EEIG2: variants seen among roughly 807,000 people sequenced by gnomAD.
EEIG2 encodes the protein family with sequence similarity 102 member B.
At chr1:108,593,258 A>ATC in the EEIG2 span, among the ~76,000 whole-genome samples, 2 of 152,252 alleles carry the variant, frequency 1.3e-5, no homozygotes, top group African/African-American at 4.8e-5. Context: ...GCTCTGCACC[A>ATC]TCATCACATG....
the EEIG2 span, among the ~76,000 whole-genome samples, chr1:108,567,845 A>T: frequency 5.9e-5 from 9 of 152,134 alleles, no homozygotes; most frequent in Admixed American, 2.0e-4. Context: ...AGAAAATTTA[A>T]AAATTAGCTG....
chr1:108,579,768 T>TGAGA, the EEIG2 span, among the ~76,000 whole-genome samples: 7 of 14,360 alleles, frequency 4.9e-4, no homozygotes, highest in East Asian at 2.3e-3. Context: ...TGTGTGTGTG[T>TGAGA]GTGTGAGAGA....
At chr1:108,580,953 T>C in the EEIG2 span, among the ~76,000 whole-genome samples, 375 of 152,272 alleles carry the variant, frequency 2.5e-3, no homozygotes, top group African/African-American at 7.9e-3. Flanking sequence ...TCTAAGACTT[T>C]TGTAGCTAGA....
the EEIG2 span, chr1:108,600,466 C>T: frequency 7.5e-7 from 1 of 1,339,282 alleles, no homozygotes; most frequent in South Asian, 1.5e-5. Flanking sequence ...GCTTTTAACA[C>T]ATTACTTTTG....
the EEIG2 span, among the ~76,000 whole-genome samples, chr1:108,581,268 T>G: frequency 6.6e-6 from 1 of 152,182 alleles, no homozygotes; most frequent in Non-Finnish European, 1.5e-5. Context: ...ATACACCTAG[T>G]CCCCAAGAGC....
chr1:108,635,465 C>A, the EEIG2 span: 2 of 232,092 alleles, frequency 8.6e-6, no homozygotes, highest in Non-Finnish European at 1.7e-5. Context: ...TTATATACAT[C>A]GGAGTATCAT....
At chr1:108,571,856 C>G in the EEIG2 span, among the ~76,000 whole-genome samples, 242 of 152,294 alleles carry the variant, frequency 1.6e-3, 1 homozygote, top group African/African-American at 5.0e-3. Context: ...AGTCTTTTAA[C>G]TATTATTTCA....
At chr1:108,598,947 C>T in the EEIG2 span, among the ~76,000 whole-genome samples, 124 of 152,136 alleles carry the variant, frequency 8.2e-4, 2 homozygotes, top group East Asian at 0.017. Context: ...AGGAGTATCA[C>T]TTGAGCCCAG....
At chr1:108,591,118 T>C in the EEIG2 span, among the ~76,000 whole-genome samples, 1 of 152,346 alleles carries the variant, frequency 6.6e-6, no homozygotes, top group African/African-American at 2.4e-5. Flanking sequence ...ATAAAAGTCA[T>C]AGGAAATTAA....
the EEIG2 span, among the ~76,000 whole-genome samples, chr1:108,632,829 G>T: frequency 7.2e-5 from 11 of 152,038 alleles, no homozygotes; most frequent in African/African-American, 2.4e-4. Context: ...TAAGAGATAG[G>T]GTCTCACCCT....
At chr1:108,591,796 C>T in the EEIG2 span, among the ~76,000 whole-genome samples, 1 of 151,872 alleles carries the variant, frequency 6.6e-6, no homozygotes, top group South Asian at 2.1e-4. Context: ...AAACTAGATG[C>T]GTTAGAATTA....
At chr1:108,594,284 A>G in the EEIG2 span, among the ~76,000 whole-genome samples, 1 of 152,210 alleles carries the variant, frequency 6.6e-6, no homozygotes, top group Non-Finnish European at 1.5e-5. Context: ...GAATATTGTA[A>G]GAATGTATAA....
At chr1:108,611,541 G>T in the EEIG2 span, among the ~76,000 whole-genome samples, 10 of 152,332 alleles carry the variant, frequency 6.6e-5, no homozygotes, top group Admixed American at 1.3e-4. Flanking sequence ...CTGAGAAAGG[G>T]AGGAATTAGG....
At chr1:108,623,670 TA>T in the EEIG2 span, among the ~76,000 whole-genome samples, 2 of 152,100 alleles carry the variant, frequency 1.3e-5, no homozygotes, top group African/African-American at 4.8e-5. Flanking sequence ...TCTACAAAAA[TA>T]AAAAAATATT....
chr1:108,570,682 A>G, the EEIG2 span, among the ~76,000 whole-genome samples: 1 of 152,212 alleles, frequency 6.6e-6, no homozygotes, highest in East Asian at 1.9e-4. Context: ...TGTCAGGGAT[A>G]GGAGGCAGTG....
chr1:108,560,271 C>T, the EEIG2 span: 18 of 303,794 alleles, frequency 5.9e-5, no homozygotes, highest in East Asian at 1.8e-4. Flanking sequence ...GAGGCGGCGG[C>T]AGCGGCCCCG....
the EEIG2 span, among the ~76,000 whole-genome samples, chr1:108,621,879 G>A: frequency 6.6e-6 from 1 of 151,550 alleles, no homozygotes; most frequent in Admixed American, 6.6e-5. Context: ...AATACAGCCC[G>A]AGCGTGGTGG....
chr1:108,630,915 A>G, the EEIG2 span, among the ~76,000 whole-genome samples: 1 of 152,174 alleles, frequency 6.6e-6, no homozygotes, highest in Non-Finnish European at 1.5e-5. Context: ...TTTTGCATTC[A>G]TTTCTTTTAC....
the EEIG2 span, among the ~76,000 whole-genome samples, chr1:108,597,368 CCAG>C: frequency 1.3e-5 from 2 of 152,166 alleles, no homozygotes; most frequent in African/African-American, 4.8e-5. Flanking sequence ...TTTCATTACC[CCAG>C]CCAGCATGCT....
Sources: allele counts gnomAD v4.1 joint callset (sites outside exome capture counted in the v4.1 genomes callset), GRCh38; gene constraint gnomAD v4.1.1; transcripts MANE v1.5; gene names NCBI Gene and HGNC (gene_info 2026-07-23, HGNC 2026-07-21).